Variants in CNOT4 observed in about 807,000 individuals in gnomAD.
The protein encoded by CNOT4 is CCR4-associated factor 4.
CNOT4 carries 8 observed loss-of-function variants against 73.8 expected under a neutral mutation model. The ratio of observed to expected loss-of-function variants is 0.11; its 90% confidence interval spans 0.06 to 0.20. CNOT4 has a LOEUF of 0.20. Ranked by LOEUF, CNOT4 falls within the 10% of genes least tolerant of loss-of-function variation. The pLI is 1.00. For missense variants in CNOT4, 564 were observed against 883.4 expected, an observed-to-expected ratio of 0.64 and a Z score of 4.58; for synonymous variants, 293 against 321.1, an observed-to-expected ratio of 0.91 and a Z score of 0.94.
chr7:135,487,866 A>G (rs1802834752), intron 1 of CNOT4, among the ~76,000 whole-genome samples: 1 of 152,200 alleles, frequency 6.6e-6, no homozygotes, highest in African/African-American at 2.4e-5. Context: ...ACCCTGGCTA[A>G]CACGGTGAAA....
intron 1 of CNOT4, chr7:135,444,619 A>T: frequency 7.8e-7 from 1 of 1,279,638 alleles, no homozygotes; most frequent in East Asian, 2.3e-5. Context: ...CCGAGCCACC[A>T]TTCTGGTTCC....
At chr7:135,438,603 T>G (rs1417827417) in intron 1 of CNOT4, among the ~76,000 whole-genome samples, 180 bp from the exon 2 acceptor site, 1 of 152,188 alleles carries the variant, frequency 6.6e-6, no homozygotes, top group African/African-American at 2.4e-5. Context: ...AGGCCTGGCA[T>G]CATTAATATT....
chr7:135,446,772 A>G (rs1429338746), intron 1 of CNOT4, among the ~76,000 whole-genome samples: 1 of 152,018 alleles, frequency 6.6e-6, no homozygotes, highest in Non-Finnish European at 1.5e-5. Flanking sequence ...GGTATTGTAT[A>G]GCATCTTAAA....
chr7:135,428,905 A>G (rs1385282441), intron 2 of CNOT4, among the ~76,000 whole-genome samples: 1 of 152,176 alleles, frequency 6.6e-6, no homozygotes, highest in Non-Finnish European at 1.5e-5. Flanking sequence ...GGAATTGGCT[A>G]ATTTTTCCAT....
chr7:135,445,978 T>C (rs1799801154), intron 1 of CNOT4, among the ~76,000 whole-genome samples: 1 of 152,154 alleles, frequency 6.6e-6, no homozygotes, highest in African/African-American at 2.4e-5. Context: ...CTGGGCTTTA[T>C]AAAGCAAATC....
chr7:135,475,167 A>G (rs1319402678), intron 1 of CNOT4, among the ~76,000 whole-genome samples: 2 of 152,242 alleles, frequency 1.3e-5, no homozygotes, highest in Non-Finnish European at 2.9e-5. Context: ...AGGATAAGTC[A>G]CAAACAAGCC....
At chr7:135,369,856 C>A (rs1262565283) in intron 10 of CNOT4, among the ~76,000 whole-genome samples, 4 of 152,194 alleles carry the variant, frequency 2.6e-5, no homozygotes, top group Non-Finnish European at 4.4e-5. Flanking sequence ...AACAATGAAT[C>A]TCTAAGTGAC....
chr7:135,440,026 A>G (rs1799382410), intron 1 of CNOT4, among the ~76,000 whole-genome samples: 1 of 152,000 alleles, frequency 6.6e-6, no homozygotes. Flanking sequence ...CTTGGGATAT[A>G]GAAGGTCTTC....
intron 10 of CNOT4, chr7:135,384,606 C>T (rs1796026933): frequency 1.3e-6 from 1 of 756,600 alleles, no homozygotes; most frequent in Non-Finnish European, 2.4e-6. Context: ...TTAAGCTATA[C>T]CACATGCTCG....
chr7:135,388,655 C>T (rs1796244901), intron 10 of CNOT4: 1 of 1,323,260 alleles, frequency 7.6e-7, no homozygotes, highest in Non-Finnish European at 9.8e-7. Context: ...AGGTAACACG[C>T]TAGCTGTAGG....
At chr7:135,479,706 T>TG (rs1461861456) in intron 1 of CNOT4, among the ~76,000 whole-genome samples, 1 of 152,024 alleles carries the variant, frequency 6.6e-6, no homozygotes, top group African/African-American at 2.4e-5. Context: ...GAGATCAGCC[T>TG]GGCAACATGG....
At chr7:135,426,276 G>A (rs1178705629) in intron 2 of CNOT4, among the ~76,000 whole-genome samples, 1 of 151,914 alleles carries the variant, frequency 6.6e-6, no homozygotes, top group African/African-American at 2.4e-5. Flanking sequence ...GACTCACAAA[G>A]CTAATATTAC....
intron 8 of CNOT4, among the ~76,000 whole-genome samples, chr7:135,396,702 A>G (rs1197879291): frequency 1.3e-5 from 2 of 151,406 alleles, no homozygotes; most frequent in African/African-American, 4.9e-5. Context: ...AAATTGAAAG[A>G]CTTGAGTGGT....
intron 1 of CNOT4, among the ~76,000 whole-genome samples, chr7:135,448,247 T>A (rs1799946199): frequency 6.6e-6 from 1 of 152,080 alleles, no homozygotes; most frequent in South Asian, 2.1e-4. Context: ...ACGAGCCATG[T>A]AAAGAAATAG....
rs1352610541 is a variant in CNOT4, at chr7:135,504,579, C to T, written c.-93+5310G>A. Among the ~76,000 whole-genome samples, 2 of 112,492 alleles carry T rather than the reference C, an allele frequency of 1.8e-5. 1 individual carries two copies. Among genetic ancestry groups the T allele is most frequent in the Admixed American group, 1.6e-4 (2 of 12,322 alleles). The allele number at this position is 112,492 out of a possible 152,430, so 73.8% of individuals were successfully genotyped here. A position where few individuals can be genotyped will look rare whatever the true frequency, so the allele number is the denominator to read the frequency against. ...TCGGCTCACTGCAAGCTCCGCCTCC[C>T]GGGTTCACGCCATTCTCCTGCCTCA... On this transcript the variant is annotated intron_variant, in intron 1 of 11. Coordinates refer to ENST00000541284, the MANE Select transcript of CNOT4 (RefSeq NM_001190850.2).
chr7:135,479,663 G>A (rs1043420722), intron 1 of CNOT4, among the ~76,000 whole-genome samples: 4 of 151,978 alleles, frequency 2.6e-5, no homozygotes, highest in South Asian at 2.1e-4. Context: ...TTTGGGAGGC[G>A]GAGGCAGGAG....
chr7:135,500,584 C>T (rs1183022810), intron 1 of CNOT4, among the ~76,000 whole-genome samples: 1 of 152,156 alleles, frequency 6.6e-6, no homozygotes, highest in Non-Finnish European at 1.5e-5. Context: ...ACAAAGATAT[C>T]GAAGTAAATG....
At chr7:135,448,026 G>C (rs1367862636) in intron 1 of CNOT4, among the ~76,000 whole-genome samples, 1 of 152,132 alleles carries the variant, frequency 6.6e-6, no homozygotes, top group African/African-American at 2.4e-5. Flanking sequence ...GTGCCATGTG[G>C]TCATACACAA....
At chr7:135,390,486 C>T (rs6949366) in intron 10 of CNOT4, among the ~76,000 whole-genome samples, 4 of 151,906 alleles carry the variant, frequency 2.6e-5, no homozygotes, top group South Asian at 2.1e-4. Context: ...TAACTGCCCA[C>T]GAATCAAAAT....
Sources: gnomAD v4.1 joint callset for allele counts (sites outside exome capture counted in the v4.1 genomes callset) on GRCh38, gnomAD v4.1.1 for gene constraint, MANE v1.5 for transcripts, NCBI Gene and HGNC (gene_info 2026-07-23, HGNC 2026-07-21) for gene names.